The following ABCF1 variants were observed in gnomAD, a reference collection of about 807,000 sequenced individuals.
The protein encoded by ABCF1 is ATP binding cassette subfamily F member 1.
A neutral mutation model predicts 126.3 loss-of-function variants in ABCF1; 73 were observed. The ratio of observed to expected loss-of-function variants is 0.58; its 90% CI spans 0.48 to 0.70. The LOEUF (loss-of-function observed/expected upper bound fraction) is 0.70. Among genes scored for constraint, ABCF1 ranks in the 30% least tolerant of loss-of-function variants. The pLI is 0.00. For missense variants in ABCF1, 786 were observed against 1,057.5 expected, an observed-to-expected ratio of 0.74 and a Z score of 3.56; for synonymous variants, 345 against 396.4, an observed-to-expected ratio of 0.87 and a Z score of 1.54.
Position 30,571,531 on chromosome 6 carries a change from T to C in ABCF1, c.44T>C (p.Ile15Thr), listed in dbSNP as rs1801235754. The change falls in exon 1 of 25, where the codon ATC becomes ACC. Residue 15 changes from isoleucine (I) to threonine (T), a missense_variant. By Grantham distance (89) the Ile-to-Thr change is moderately conservative. Around this residue, in one of 4 missense-constraint regions of ABCF1, gnomAD observed 322 missense variants for 322.9 expected, o/e 1.00. Transcript: ENST00000326195. ...PKQQPPEPEW[I>T]GDGESTSPSD... ...CAGCAGCCGCCGGAGCCCGAGTGGA[T>C]CGGGGACGGAGAGAGCACGAGCCCA... The C allele has an allele frequency of 1.2e-6, 2 of 1,610,816 alleles. No individual in the cohort carries two copies. Among genetic ancestry groups the C allele is most frequent in the South Asian group, 1.1e-5 (1 of 90,852 alleles).
chr6:30,576,244 A>C (rs1185423040), intron 1 of ABCF1, among the ~76,000 whole-genome samples: 1 of 145,530 alleles, frequency 6.9e-6, no homozygotes, highest in Non-Finnish European at 1.5e-5. Context: ...TAATTTTGCC[A>C]GCTAAAAACA....
At position 30,583,584 on chromosome 6, in the gene ABCF1, C is replaced by T; in HGVS notation, c.916-24C>T. 1.2e-6 allele frequency: 2 copies of T among 1,611,964 alleles called. No individual in the cohort carries two copies. Among genetic ancestry groups the T allele is most frequent in the Non-Finnish European group, 1.7e-6 (2 of 1,178,116 alleles). ...TTCATGTGATCATCCCTTCCCTCTGCCACCTCTTTCCTGATGGCTGCAGCT... is the reference window on the plus strand; with the variant it reads ...TTCATGTGATCATCCCTTCCCTCTGTCACCTCTTTCCTGATGGCTGCAGCT... On this transcript the variant is annotated intron_variant, in intron 10 of 24. Coordinates refer to ENST00000326195, the MANE Select transcript of ABCF1 (RefSeq NM_001025091.2). This position sits in a 1 kb window ranked among gnomAD's most constrained non-coding sequence, Gnocchi z 4.1.
chr6:30,579,128 G>C (rs144123993), intron 6 of ABCF1, among the ~76,000 whole-genome samples: 6 of 152,118 alleles, frequency 3.9e-5, no homozygotes, highest in Admixed American at 2.6e-4. Flanking sequence ...ACTCTTCTGC[G>C]TGTGCATCTT....
chr6:30,576,481 G>C (rs988314966), intron 1 of ABCF1, among the ~76,000 whole-genome samples: 1 of 151,470 alleles, frequency 6.6e-6, no homozygotes, highest in Non-Finnish European at 1.5e-5. Flanking sequence ...TAGAGACTGG[G>C]TTTCACCATG....
intron 6 of ABCF1, among the ~76,000 whole-genome samples, chr6:30,579,427 C>G (rs187555000): frequency 1.3e-4 from 19 of 151,556 alleles, no homozygotes; most frequent in African/African-American, 4.4e-4. Context: ...GGGATTATAT[C>G]CAGATAAACC....
chr6:30,586,791 C>G lies in ABCF1; in HGVS notation c.2031+80C>G. ...TTTGCCAGAAGCTGGAATCAGGGAG[C>G]CTCTCGAGAATGTAGAGTTAAATAC... On this transcript the variant is annotated intron_variant, in intron 20 of 24. Transcript: ENST00000326195. This position sits in a 1 kb window ranked among gnomAD's most constrained non-coding sequence, Gnocchi z 4.9. The G allele has an allele frequency of 6.8e-7, 1 of 1,472,446 alleles. No individual in the cohort carries two copies. Among genetic ancestry groups the G allele is most frequent in the East Asian group, 2.3e-5 (1 of 43,654 alleles). 91.2% of individuals were successfully genotyped at this position (1,472,446 alleles called of 1,614,324 possible). A position where few individuals can be genotyped will look rare whatever the true frequency, so the allele number is the denominator to read the frequency against.
chr6:30,584,669 C>T lies in ABCF1; in HGVS notation c.1391+103C>T. 1 of 1,401,078 alleles carries T rather than the reference C, an allele frequency of 7.1e-7. No individual in the cohort carries two copies. The allele number at this position is 1,401,078 out of a possible 1,614,324, so 86.8% of individuals were successfully genotyped here. On this transcript the variant is annotated intron_variant, in intron 14 of 24. Coordinates refer to ENST00000326195, the MANE Select transcript of ABCF1 (RefSeq NM_001025091.2). This position sits in a 1 kb window ranked among gnomAD's most constrained non-coding sequence, Gnocchi z 4.6. The stretch of plus-strand genomic sequence containing the variant: ...CCAAGGCCAATAGGGAGGCTCAAGG[C>T]TTACCTCTCCCTCCTTACTATCTGT...
rs1173743572 is a variant in ABCF1 at position 30,584,967 on chromosome 6, A to G, written c.1392-293A>G. On this transcript the variant is annotated intron_variant, in intron 14 of 24. Transcript: ENST00000326195. This position sits in a 1 kb window ranked among gnomAD's most constrained non-coding sequence, Gnocchi z 4.6. ...CAAAAAATTTAAAGATCAGCTGGAT[A>G]TGGTGGCGCACGCTGTGGTCACAGC... is the stretch of plus-strand genomic sequence containing the variant. Among the ~76,000 whole-genome samples the G allele has an allele frequency of 1.3e-5, 2 of 152,092 alleles. No homozygotes were observed. Among genetic ancestry groups the G allele is most frequent in the Non-Finnish European group, 2.9e-5 (2 of 68,004 alleles).
intron 6 of ABCF1, among the ~76,000 whole-genome samples, chr6:30,578,864 G>A (rs150748175): frequency 0.015 from 2,230 of 152,184 alleles, 49 homozygotes; most frequent in African/African-American, 0.05. Flanking sequence ...GCCAGGCGTG[G>A]TGGCGTGCGC....
In ABCF1 at chr6:30,590,844, T is replaced by C; in HGVS notation, c.*143T>C. ...ACATGAAGGTGGAGTGTGACCTTGA[T>C]GTGACCGGGATCCCACTCTGATTGC... On this transcript the variant is annotated 3_prime_UTR_variant, in exon 25 of 25. Coordinates refer to ENST00000326195, the MANE Select transcript of ABCF1 (RefSeq NM_001025091.2). 1 of 849,256 alleles carries C rather than the reference T, an allele frequency of 1.2e-6. No homozygotes were observed. Among genetic ancestry groups the C allele is most frequent in the South Asian group, 1.9e-5 (1 of 52,104 alleles). The allele number at this position is 849,256 out of a possible 1,614,324, so 52.6% of individuals were successfully genotyped here. A position where few individuals can be genotyped will look rare whatever the true frequency, so the allele number is the denominator to read the frequency against.
At chr6:30,577,712 A>G in intron 2 of ABCF1, 106 bp from the exon 3 acceptor site, 1 of 1,100,180 alleles carries the variant, frequency 9.1e-7, no homozygotes, top group Non-Finnish European at 1.3e-6. Context: ...GACAGGAGGT[A>G]AGGTGAGGGT....
rs1801839227 is a variant in ABCF1, at chr6:30,582,006, A to AG, written c.679-383dup. Among the ~76,000 whole-genome samples, 3 of 151,868 alleles carry AG rather than the reference A, an allele frequency of 2.0e-5. No individual in the cohort carries two copies. The South Asian group carries it at 6.2e-4, about 32-fold the overall frequency. ...TGAAGGAAAGAGCTGGGGCAGGGACAGGGGGCAGATGATGTGAAATCTGAG... is the reference window on the plus strand; with the variant it reads ...TGAAGGAAAGAGCTGGGGCAGGGACAGGGGGGCAGATGATGTGAAATCTGAG... On this transcript the variant is annotated intron_variant, in intron 8 of 24. Transcript: ENST00000326195.
In ABCF1 at chr6:30,586,125, C is replaced by G; in HGVS notation, c.1714-9C>G. 12 of 1,607,320 alleles carry G rather than the reference C, an allele frequency of 7.5e-6. No individual in the cohort carries two copies. Among genetic ancestry groups the G allele is most frequent in the Non-Finnish European group, 1.0e-5 (12 of 1,177,984 alleles). ...GCTCAGGTTTCTCTTTTTTCCTCTT[C>G]CTCTCCAGGAAAAACAAACGAAGGA... On this transcript the variant is annotated splice_polypyrimidine_tract_variant and intron_variant, in intron 17 of 24. Transcript: ENST00000326195. The surrounding 1 kb of genome is among the most constrained non-coding windows in gnomAD (Gnocchi z 4.9).
At chr6:30,587,116 C>T (rs528373406) in intron 20 of ABCF1, among the ~76,000 whole-genome samples, 153 of 152,170 alleles carry the variant, frequency 1.0e-3, no homozygotes, top group African/African-American at 3.3e-3. Flanking sequence ...TAGCCGTGTG[C>T]GGTGGCGCGC....
chr6:30,579,957 A>C lies in ABCF1; in HGVS notation c.516A>C (p.Ala172=), dbSNP rs776869713. Reference sequence around the variant, plus strand: ...CCGTATCTGAGGAACAGCAGCCTGCACTCAAGGGCAAAAAGGGAAAGGAAG... The same window carrying C: ...CCGTATCTGAGGAACAGCAGCCTGCCCTCAAGGGCAAAAAGGGAAAGGAAG... ...NKAVSEEQQP[A]LKGKKGKEEK... is the part of the protein sequence containing the mutation. The change falls in exon 7 of 25, where the codon GCA becomes GCC. Residue 172 remains alanine, a synonymous_variant. Transcript: ENST00000326195. The C allele has an allele frequency of 1.9e-6, 3 of 1,612,928 alleles. No homozygotes were observed. The highest frequency in any genetic ancestry group is 2.5e-6 in the Non-Finnish European group (3 of 1,179,948).
chr6:30,587,032 A>T (rs1802178698), intron 20 of ABCF1, among the ~76,000 whole-genome samples: 1 of 152,190 alleles, frequency 6.6e-6, no homozygotes, highest in Non-Finnish European at 1.5e-5. Flanking sequence ...CCCAGCAGGG[A>T]TCACCTAAGG....
intron 1 of ABCF1, among the ~76,000 whole-genome samples, chr6:30,576,016 G>A (rs1801477343): frequency 6.7e-6 from 1 of 149,796 alleles, no homozygotes; most frequent in African/African-American, 2.5e-5. Flanking sequence ...TAAGGTTACA[G>A]TGAGTTATGA....
At chr6:30,581,329 A>G (rs968046440) in intron 8 of ABCF1, among the ~76,000 whole-genome samples, 1 of 147,654 alleles carries the variant, frequency 6.8e-6, no homozygotes. Context: ...TAGGGTCCCT[A>G]TGCGTCTGGC....
intron 23 of ABCF1, 35 bp downstream of exon 23, chr6:30,590,248 G>A (rs954749346): frequency 6.2e-7 from 1 of 1,612,860 alleles, no homozygotes; most frequent in Non-Finnish European, 8.5e-7. Context: ...AGGGATAAGG[G>A]TAACAGTAAT....
Sources: gnomAD v4.1 joint callset for allele counts (sites outside exome capture counted in the v4.1 genomes callset) on GRCh38, gnomAD v4.1.1 for gene constraint, gnomAD v4.1.1 regional missense constraint, Gnocchi (gnomAD v3.1) non-coding constraint, MANE v1.5 for transcripts, NCBI Gene and HGNC (gene_info 2026-07-23, HGNC 2026-07-21) for gene names.